RPS6KC1: variants seen among roughly 807,000 people sequenced by gnomAD.
The protein encoded by RPS6KC1 is inactive ribosomal protein S6 kinase delta-1.
Under a neutral mutation model 103.8 loss-of-function variants are expected in RPS6KC1, and 54 were observed. The observed-to-expected ratio is 0.52, with a 90% CI of 0.42 to 0.65. RPS6KC1 has a LOEUF of 0.65. Among genes scored for constraint, RPS6KC1 ranks in the 30% least tolerant of loss-of-function variants. RPS6KC1 has a pLI of 0.00. For missense variants in RPS6KC1, 1,151 were observed against 1,253.8 expected (o/e 0.92, Z 1.24); for synonymous variants, 439 against 438.7 (o/e 1.00, Z -0.01).
chr1:213,731,333 G>T, the RPS6KC1 span: 1 of 152,116 alleles, frequency 6.6e-6, no homozygotes, highest in Non-Finnish European at 1.5e-5. Context: ...AAATTGCTTT[G>T]GGGAGTATAG....
the RPS6KC1 span, among the ~76,000 whole-genome samples, chr1:213,549,612 C>CTTTTTTTTTTTTT: frequency 5.8e-5 from 5 of 86,912 alleles, no homozygotes; most frequent in African/African-American, 1.9e-4. Context: ...TTTTCTTTTC[C>CTTTTTTTTTTTTT]TTTTTTTTTT....
At chr1:213,387,423 A>G in the RPS6KC1 span, among the ~76,000 whole-genome samples, 2 of 152,122 alleles carry the variant, frequency 1.3e-5, no homozygotes, top group East Asian at 3.9e-4. Context: ...TTCTTAAGTC[A>G]CCTGTGCAGG....
At chr1:213,335,265 A>G in the RPS6KC1 span, among the ~76,000 whole-genome samples, 1 of 152,248 alleles carries the variant, frequency 6.6e-6, no homozygotes, top group Admixed American at 6.5e-5. Flanking sequence ...TAGGGAAGTT[A>G]AGTACATAAT....
the RPS6KC1 span, among the ~76,000 whole-genome samples, chr1:213,636,385 C>T: frequency 1.3e-5 from 2 of 152,152 alleles, no homozygotes; most frequent in Non-Finnish European, 2.9e-5. Flanking sequence ...CTACAGTAAC[C>T]AAAACAGCAT....
At chr1:213,601,725 A>G in the RPS6KC1 span, among the ~76,000 whole-genome samples, 1 of 151,728 alleles carries the variant, frequency 6.6e-6, no homozygotes, top group Non-Finnish European at 1.5e-5. Flanking sequence ...TCCACAATGG[A>G]TTCTGTCCTC....
intron 8 of RPS6KC1, among the ~76,000 whole-genome samples, chr1:213,177,727 T>A (rs948484009): frequency 6.6e-6 from 1 of 152,178 alleles, no homozygotes; most frequent in African/African-American, 2.4e-5. Context: ...AATATAGTAA[T>A]TGAGTAGTTT....
At chr1:213,143,493 GA>G (rs2087332827) in intron 6 of RPS6KC1, among the ~76,000 whole-genome samples, 1 of 151,608 alleles carries the variant, frequency 6.6e-6, no homozygotes, top group African/African-American at 2.4e-5. Flanking sequence ...CATGAAGTCT[GA>G]ATATTCTTTT....
chr1:213,821,473 A>G, the RPS6KC1 span: 2 of 152,170 alleles, frequency 1.3e-5, no homozygotes, highest in Non-Finnish European at 2.9e-5. Flanking sequence ...CCTGCTAACT[A>G]GAGGCAGAAA....
At chr1:213,053,877 C>T (rs1474736855) in intron 1 of RPS6KC1, among the ~76,000 whole-genome samples, 5 of 151,484 alleles carry the variant, frequency 3.3e-5, no homozygotes, top group African/African-American at 1.2e-4. Context: ...CGCTCTCTTG[C>T]CCAGGCTGGA....
At chr1:213,497,464 G>A in the RPS6KC1 span, among the ~76,000 whole-genome samples, 52,727 of 151,212 alleles carry the variant, frequency 0.35, 9,599 homozygotes, top group East Asian at 0.61. Context: ...TAACAACACA[G>A]TCTCCCTTAA....
At chr1:213,316,947 G>A in the RPS6KC1 span, among the ~76,000 whole-genome samples, 2 of 152,270 alleles carry the variant, frequency 1.3e-5, no homozygotes, top group South Asian at 4.1e-4. Flanking sequence ...GCCAAGGGGA[G>A]GATCATGGTG....
At chr1:213,429,796 T>C in the RPS6KC1 span, among the ~76,000 whole-genome samples, 1 of 152,198 alleles carries the variant, frequency 6.6e-6, no homozygotes, top group Non-Finnish European at 1.5e-5. Flanking sequence ...CCCAGATAAT[T>C]AGAAATATAG....
At chr1:213,321,025 A>G in the RPS6KC1 span, among the ~76,000 whole-genome samples, 1 of 152,152 alleles carries the variant, frequency 6.6e-6, no homozygotes, top group East Asian at 1.9e-4. Flanking sequence ...CAGAAGTCCC[A>G]TATTTTTGTG....
the RPS6KC1 span, among the ~76,000 whole-genome samples, chr1:213,480,513 T>C: frequency 3.3e-5 from 5 of 152,236 alleles, 1 homozygote; most frequent in Admixed American, 2.6e-4. Context: ...TAATAGTTTA[T>C]CTGCAAATAA....
intron 1 of RPS6KC1, among the ~76,000 whole-genome samples, chr1:213,054,116 G>C (rs1320511582): frequency 1.3e-5 from 2 of 152,300 alleles, no homozygotes; most frequent in East Asian, 1.9e-4. Flanking sequence ...GATTACAGGC[G>C]TGAGCCACCG....
At chr1:213,727,763 A>C in the RPS6KC1 span, among the ~76,000 whole-genome samples, 1,078 of 152,352 alleles carry the variant, frequency 7.1e-3, 14 homozygotes, top group African/African-American at 0.025. Flanking sequence ...GCCTTGAAGC[A>C]GTCTGCAAAA....
the RPS6KC1 span, among the ~76,000 whole-genome samples, chr1:213,535,490 C>T: frequency 3.3e-5 from 5 of 152,114 alleles, no homozygotes; most frequent in African/African-American, 9.7e-5. Flanking sequence ...CCTGGGAGCC[C>T]CTCAGTCTGA....
At chr1:213,568,599 G>C in the RPS6KC1 span, among the ~76,000 whole-genome samples, 1 of 152,168 alleles carries the variant, frequency 6.6e-6, no homozygotes, top group Non-Finnish European at 1.5e-5. Context: ...CCAGGGCTAG[G>C]TATTTGGTTA....
At chr1:213,770,578 T>C in the RPS6KC1 span, among the ~76,000 whole-genome samples, 1 of 152,164 alleles carries the variant, frequency 6.6e-6, no homozygotes, top group Non-Finnish European at 1.5e-5. Flanking sequence ...TCCCATTCAT[T>C]CTCGTAACAA....
Sources: gnomAD v4.1 joint callset for allele counts (sites outside exome capture counted in the v4.1 genomes callset) on GRCh38, gnomAD v4.1.1 for gene constraint, MANE v1.5 for transcripts, NCBI Gene and HGNC (gene_info 2026-07-23, HGNC 2026-07-21) for gene names.